GFRA1: variants seen among roughly 807,000 people sequenced by gnomAD.
The protein encoded by GFRA1 is GDNF family receptor alpha 1.
Under a neutral mutation model 51.6 loss-of-function variants are expected in GFRA1, and 16 were observed. That is an observed-to-expected ratio of 0.31 (90% CI 0.21 to 0.47). GFRA1 has a LOEUF of 0.47. GFRA1 is among the 20% of genes least tolerant of loss of function. GFRA1 has a pLI of 1.00. For missense variants in GFRA1, 530 were observed against 594.3 expected (o/e 0.89, Z 1.13); for synonymous variants, 270 against 241.3 (o/e 1.12, Z -1.10).
At chr10:116,132,435 T>G (rs188540062) in intron 5 of GFRA1, among the ~76,000 whole-genome samples, 2 of 152,122 alleles carry the variant, frequency 1.3e-5, no homozygotes, top group Admixed American at 1.3e-4. Context: ...TTTTTTCCAC[T>G]GTTCTGTATG....
At chr10:116,176,700 C>T (rs114660144) in intron 5 of GFRA1, among the ~76,000 whole-genome samples, 4,439 of 149,138 alleles carry the variant, frequency 0.03, 111 homozygotes, top group African/African-American at 0.065. Flanking sequence ...CCTAACACAC[C>T]CCTTTCTCCC....
chr10:116,186,975 G>A (rs568388903), intron 5 of GFRA1, among the ~76,000 whole-genome samples: 3 of 152,190 alleles, frequency 2.0e-5, no homozygotes, highest in East Asian at 1.9e-4. Flanking sequence ...GTCACGTCTC[G>A]GTCCCTTTTT....
intron 4 of GFRA1, among the ~76,000 whole-genome samples, chr10:116,248,861 G>A (rs1292009219): frequency 2.0e-5 from 3 of 152,072 alleles, no homozygotes; most frequent in Admixed American, 6.6e-5. Context: ...TGACAATGAC[G>A]ACAGTGGGCT....
chr10:116,139,784 C>A (rs948699772), intron 5 of GFRA1, among the ~76,000 whole-genome samples: 3 of 152,218 alleles, frequency 2.0e-5, no homozygotes, highest in African/African-American at 4.8e-5. Flanking sequence ...GGGCTGACAG[C>A]AGCAGTGGAT....
chr10:116,155,714 AT>A (rs1449013661), intron 5 of GFRA1, among the ~76,000 whole-genome samples: 1 of 152,180 alleles, frequency 6.6e-6, no homozygotes, highest in Non-Finnish European at 1.5e-5. Flanking sequence ...CTAGTGCCTC[AT>A]GAAAAATGGA....
At chr10:116,152,455 C>G (rs2134142729) in intron 5 of GFRA1, among the ~76,000 whole-genome samples, 1 of 152,220 alleles carries the variant, frequency 6.6e-6, no homozygotes, top group Non-Finnish European at 1.5e-5. Flanking sequence ...CAGGTGGTGT[C>G]ACATGGTGGG....
chr10:116,103,960 T>A (rs559814045), intron 6 of GFRA1, among the ~76,000 whole-genome samples: 1 of 152,156 alleles, frequency 6.6e-6, no homozygotes, highest in African/African-American at 2.4e-5. Context: ...TGCCTAGGAG[T>A]AGGCTACGGA....
chr10:116,068,890 A>G (rs1216055674), intron 9 of GFRA1, among the ~76,000 whole-genome samples: 3 of 152,210 alleles, frequency 2.0e-5, no homozygotes, highest in African/African-American at 7.2e-5. Flanking sequence ...AGTTGCTGCA[A>G]ATTGGGACGT....
chr10:116,231,229 T>C (rs116481925), intron 4 of GFRA1, among the ~76,000 whole-genome samples: 2 of 152,272 alleles, frequency 1.3e-5, no homozygotes, highest in African/African-American at 2.4e-5. Context: ...GCACAAGACC[T>C]GTCCTAATGA....
chr10:116,235,250 T>C (rs1281571181), intron 4 of GFRA1, among the ~76,000 whole-genome samples: 1 of 152,168 alleles, frequency 6.6e-6, no homozygotes, highest in African/African-American at 2.4e-5. Flanking sequence ...GTGGCTGAAA[T>C]GGCCACTGTG....
chr10:116,113,306 T>C (rs1018848791), intron 6 of GFRA1, among the ~76,000 whole-genome samples: 1 of 152,156 alleles, frequency 6.6e-6, no homozygotes, highest in South Asian at 2.1e-4. Context: ...AAACCTCTTT[T>C]CACCTGCAAT....
At chr10:116,207,350 T>TA (rs11422964) in intron 5 of GFRA1, among the ~76,000 whole-genome samples, 92,886 of 152,106 alleles carry the variant, frequency 0.61, 29,886 homozygotes, top group African/African-American at 0.83. Context: ...ACTAAAAGCT[T>TA]AACATTGTAA....
At chr10:116,231,377 C>T (rs1248147091) in intron 4 of GFRA1, among the ~76,000 whole-genome samples, 2 of 152,086 alleles carry the variant, frequency 1.3e-5, no homozygotes, top group Non-Finnish European at 2.9e-5. Context: ...TAAATAGTGG[C>T]TCAAATCATG....
chr10:116,203,693 T>C (rs1964512974), intron 5 of GFRA1, among the ~76,000 whole-genome samples: 1 of 152,138 alleles, frequency 6.6e-6, no homozygotes. Flanking sequence ...GACAAACTCA[T>C]AGAGACTTAA....
chr10:116,176,140 A>C (rs1260127650), intron 5 of GFRA1, among the ~76,000 whole-genome samples: 1 of 152,224 alleles, frequency 6.6e-6, no homozygotes, highest in Non-Finnish European at 1.5e-5. Context: ...TATAAATGTC[A>C]CATGTTTGTG....
At chr10:116,274,072 G>A (rs1338610850), upstream of GFRA1, among the ~76,000 whole-genome samples, 1 of 152,204 alleles carries the variant, frequency 6.6e-6, no homozygotes, top group Non-Finnish European at 1.5e-5. Context: ...GCTGTTTCGA[G>A]AGTAAATTAA....
chr10:116,205,926 TCACACA>T (rs55780139), intron 5 of GFRA1, among the ~76,000 whole-genome samples: 3,868 of 142,558 alleles, frequency 0.027, 103 homozygotes, highest in African/African-American at 0.071. Context: ...TTTCCTCATA[TCACACA>T]CACACACACA....
rs1392988700 is a variant in GFRA1 at position 116,272,930 on chromosome 10, A to G, written c.-247+233T>C. The G allele has an allele frequency of 6.6e-6, 1 of 152,004 alleles. No individual in the cohort carries two copies. The highest frequency in any genetic ancestry group is 2.4e-5 in the African/African-American group (1 of 41,398). 9.4% of individuals were successfully genotyped at this position (152,004 alleles called of 1,614,324 possible). ...CCTCTCACACTCTCGCCCGGTGCCC[A>G]GGACTCGGGCGCTTCCGCACCCCAG... On this transcript the variant is annotated intron_variant, in intron 1 of 10. Transcript: ENST00000355422. This position sits in a 1 kb window ranked among gnomAD's most constrained non-coding sequence, Gnocchi z 4.4.
intron 5 of GFRA1, among the ~76,000 whole-genome samples, chr10:116,136,489 C>T (rs930647161): frequency 3.9e-5 from 6 of 152,308 alleles, no homozygotes; most frequent in African/African-American, 1.4e-4. Context: ...CCCCCCTCTT[C>T]CCCCTCCACT....
Sources: allele counts gnomAD v4.1 joint callset (sites outside exome capture counted in the v4.1 genomes callset), GRCh38; gene constraint gnomAD v4.1.1; non-coding constraint Gnocchi (gnomAD v3.1); transcripts MANE v1.5; gene names NCBI Gene and HGNC (gene_info 2026-07-23, HGNC 2026-07-21).